Variants in ZNF804A observed in about 807,000 individuals in gnomAD.
ZNF804A encodes the protein zinc finger protein 804A.
ZNF804A carries 2 observed loss-of-function variants against 16.5 expected under a neutral mutation model. The ratio of observed to expected loss-of-function variants is 0.12; its 90% CI spans 0.05 to 0.38. The LOEUF is 0.38. Ranked by LOEUF, ZNF804A falls within the 10% of genes least tolerant of loss-of-function variation. ZNF804A has a pLI of 0.99. For synonymous variants in ZNF804A, 534 were observed against 489.6 expected (o/e 1.09, Z -1.20); for missense variants, 1,473 against 1,390.7 (o/e 1.06, Z -0.94).
At chr2:184,731,525 A>T (rs1346674601) in intron 1 of ZNF804A, among the ~76,000 whole-genome samples, 1 of 145,104 alleles carries the variant, frequency 6.9e-6, no homozygotes, top group African/African-American at 2.6e-5. Flanking sequence ...TTTCATTTGC[A>T]TATCTTCCTC....
intron 2 of ZNF804A, among the ~76,000 whole-genome samples, chr2:184,899,955 T>C (rs1050700876): frequency 2.6e-5 from 4 of 152,116 alleles, no homozygotes; most frequent in African/African-American, 7.2e-5. Flanking sequence ...TTATATTTGC[T>C]AGTTCAACCC....
intron 1 of ZNF804A, among the ~76,000 whole-genome samples, chr2:184,856,932 G>A (rs1035884073): frequency 1.3e-5 from 2 of 152,022 alleles, no homozygotes; most frequent in East Asian, 1.9e-4. Context: ...TTCAGTCTTG[G>A]TAGATTATGT....
intron 1 of ZNF804A, among the ~76,000 whole-genome samples, chr2:184,826,717 G>T (rs72905722): frequency 0.05 from 7,663 of 151,950 alleles, 256 homozygotes; most frequent in Middle Eastern, 0.079. Context: ...TACTCTAACC[G>T]TTGAAAAAAT....
At chr2:184,677,442 G>C (rs1017530727) in intron 1 of ZNF804A, among the ~76,000 whole-genome samples, 2 of 151,924 alleles carry the variant, frequency 1.3e-5, no homozygotes, top group African/African-American at 2.4e-5. Context: ...GAGTGGTGTA[G>C]ACAGTACACG....
At chr2:184,823,591 A>G (rs567065828) in intron 1 of ZNF804A, among the ~76,000 whole-genome samples, 1 of 152,266 alleles carries the variant, frequency 6.6e-6, no homozygotes, top group Non-Finnish European at 1.5e-5. Context: ...AAAATTGTCT[A>G]CAACAAATAT....
intron 1 of ZNF804A, among the ~76,000 whole-genome samples, chr2:184,749,555 G>A (rs1285193187): frequency 6.6e-6 from 1 of 151,206 alleles, no homozygotes; most frequent in Admixed American, 6.6e-5. Context: ...TTTCCTATTT[G>A]AATGCCTTTT....
intron 1 of ZNF804A, among the ~76,000 whole-genome samples, chr2:184,743,308 T>C (rs1022545882): frequency 6.6e-6 from 1 of 152,040 alleles, no homozygotes; most frequent in Non-Finnish European, 1.5e-5. Flanking sequence ...TTACATCAAC[T>C]CTATTTCAAG....
chr2:184,765,101 G>A (rs563650865), intron 1 of ZNF804A, among the ~76,000 whole-genome samples: 8 of 152,272 alleles, frequency 5.3e-5, no homozygotes, highest in African/African-American at 1.9e-4. Flanking sequence ...CAGTATATTT[G>A]TGTTTTTAAT....
At chr2:184,794,487 G>A (rs765387461) in intron 1 of ZNF804A, among the ~76,000 whole-genome samples, 2 of 152,030 alleles carry the variant, frequency 1.3e-5, no homozygotes, top group African/African-American at 2.4e-5. Context: ...TTTGTCAGAT[G>A]TATAGATTTT....
At chr2:184,640,286 T>C (rs879466453) in intron 1 of ZNF804A, among the ~76,000 whole-genome samples, 12 of 151,854 alleles carry the variant, frequency 7.9e-5, no homozygotes, top group Non-Finnish European at 1.2e-4. Flanking sequence ...GGAGGAATGG[T>C]AATCTTTATT....
At chr2:184,877,328 T>C (rs1360001866) in intron 2 of ZNF804A, among the ~76,000 whole-genome samples, 1 of 152,060 alleles carries the variant, frequency 6.6e-6, no homozygotes, top group Non-Finnish European at 1.5e-5. Context: ...TTGAGACACC[T>C]TCTGGGAATT....
intron 1 of ZNF804A, among the ~76,000 whole-genome samples, chr2:184,747,576 T>C (rs897281067): frequency 6.6e-6 from 1 of 151,320 alleles, no homozygotes; most frequent in African/African-American, 2.4e-5. Flanking sequence ...ATATATGTTT[T>C]AATTTAATGT....
intron 2 of ZNF804A, among the ~76,000 whole-genome samples, chr2:184,892,700 C>G (rs1389965857): frequency 6.6e-6 from 1 of 152,006 alleles, no homozygotes; most frequent in Non-Finnish European, 1.5e-5. Context: ...CCAGGCTGGT[C>G]TGGAACTCCT....
chr2:184,791,901 A>G (rs577468967), intron 1 of ZNF804A, among the ~76,000 whole-genome samples: 2 of 152,322 alleles, frequency 1.3e-5, no homozygotes, highest in South Asian at 2.1e-4. Context: ...CCAGAATGCT[A>G]TATAGTTGGA....
At chr2:184,604,022 C>T (rs941548556) in intron 1 of ZNF804A, among the ~76,000 whole-genome samples, 3 of 151,788 alleles carry the variant, frequency 2.0e-5, no homozygotes, top group Admixed American at 2.0e-4. Flanking sequence ...TCATGATTAC[C>T]ACATACTTTT....
intron 1 of ZNF804A, among the ~76,000 whole-genome samples, chr2:184,848,692 G>A (rs1695559217): frequency 6.6e-6 from 1 of 151,986 alleles, no homozygotes; most frequent in Non-Finnish European, 1.5e-5. Context: ...GGTTAAGTGA[G>A]GTAGAGAGCA....
chr2:184,631,938 A>G (rs748356859), intron 1 of ZNF804A, among the ~76,000 whole-genome samples: 1 of 152,234 alleles, frequency 6.6e-6, no homozygotes, highest in Non-Finnish European at 1.5e-5. Flanking sequence ...AAATATTCCT[A>G]TAAAAGGGAG....
chr2:184,916,824 G>T (rs567891369), intron 2 of ZNF804A, among the ~76,000 whole-genome samples: 2 of 151,954 alleles, frequency 1.3e-5, no homozygotes, highest in East Asian at 3.9e-4. Context: ...CTCCAGCCTG[G>T]GAGACAGAGT....
intron 1 of ZNF804A, among the ~76,000 whole-genome samples, chr2:184,754,244 T>C (rs1437066316): frequency 1.3e-5 from 2 of 151,936 alleles, no homozygotes; most frequent in African/African-American, 2.4e-5. Context: ...TTGTGCAGTT[T>C]AGTTATAACG....
Sources: gnomAD v4.1 joint callset for allele counts (sites outside exome capture counted in the v4.1 genomes callset) on GRCh38, gnomAD v4.1.1 for gene constraint, MANE v1.5 for transcripts, NCBI Gene and HGNC (gene_info 2026-07-23, HGNC 2026-07-21) for gene names.